The following EEPD1 variants were observed in gnomAD, a reference collection of about 807,000 sequenced individuals.
EEPD1 encodes the protein endonuclease/exonuclease/phosphatase family domain containing 1.
A neutral mutation model predicts 46.3 loss-of-function variants in EEPD1; 17 were observed. The ratio of observed to expected loss-of-function variants is 0.37; its 90% confidence interval spans 0.25 to 0.55. EEPD1 has a LOEUF of 0.55. EEPD1 is among the 20% of genes least tolerant of loss of function. The pLI, the probability that EEPD1 is intolerant of heterozygous loss-of-function variation, is 0.83. For synonymous variants in EEPD1, 313 were observed against 315.6 expected, an observed-to-expected ratio of 0.99 and a Z score of 0.09; for missense variants, 673 against 745.6, an observed-to-expected ratio of 0.90 and a Z score of 1.13.
Position 36,177,978 on chromosome 7 carries a change from T to A in EEPD1, c.878+22776T>A, listed in dbSNP as rs567099102. ...ATCCACCTGCCTCAGCCTCCCAAAG[T>A]GCTGGGATTACAGGCATGAGCCACC... On this transcript the variant is annotated intron_variant, in intron 2 of 7. Transcript: ENST00000242108. Among the ~76,000 whole-genome samples the A allele has an allele frequency of 2.0e-5, 3 of 152,284 alleles. No homozygotes were observed. In the South Asian group the frequency reaches 6.2e-4, roughly 32 times the overall value.
chr7:36,254,436 T>C (rs2115816647), intron 3 of EEPD1, among the ~76,000 whole-genome samples: 1 of 152,326 alleles, frequency 6.6e-6, no homozygotes, highest in South Asian at 2.1e-4. Flanking sequence ...GCTTCATCCA[T>C]GTCCCTGCAA....
In EEPD1 at chr7:36,193,939, C is replaced by A. The variant is rs1011697164; in HGVS notation, c.878+38737C>A. Reference sequence around the variant, plus strand: ...CTTGAGAGTTCAGGAGCCTCTTATCCCCATTTGCATCCTCAGAGCCCTGCA... The same window carrying A: ...CTTGAGAGTTCAGGAGCCTCTTATCACCATTTGCATCCTCAGAGCCCTGCA... On this transcript the variant is annotated intron_variant, in intron 2 of 7. Transcript: ENST00000242108. The surrounding 1 kb of genome is among the most constrained non-coding windows in gnomAD (Gnocchi z 4.9). Among the ~76,000 whole-genome samples, 1 of 152,100 alleles carries A rather than the reference C, an allele frequency of 6.6e-6. No individual in the cohort carries two copies. The highest frequency in any genetic ancestry group is 2.4e-5 in the African/African-American group (1 of 41,412).
At chr7:36,187,618 A>G (rs1052181029) in intron 2 of EEPD1, among the ~76,000 whole-genome samples, 1 of 152,128 alleles carries the variant, frequency 6.6e-6, no homozygotes, top group Admixed American at 6.5e-5. Flanking sequence ...CATTGTATGT[A>G]TACCCCATTT....
At chr7:36,278,464 C>T (rs1203849318) in intron 3 of EEPD1, among the ~76,000 whole-genome samples, 2 of 146,784 alleles carry the variant, frequency 1.4e-5, no homozygotes, top group African/African-American at 5.0e-5. Context: ...CAGGGCTGGG[C>T]CTCTCTGATC....
intron 3 of EEPD1, among the ~76,000 whole-genome samples, chr7:36,272,497 T>TTTGTTG (rs1554321108): frequency 2.9e-5 from 3 of 101,696 alleles, no homozygotes; most frequent in East Asian, 2.7e-4. Context: ...TTTCTGGTTT[T>TTTGTTG]TTGTTGTTGT....
intron 3 of EEPD1, among the ~76,000 whole-genome samples, chr7:36,278,312 A>G (rs1787211772): frequency 6.6e-6 from 1 of 152,152 alleles, no homozygotes; most frequent in African/African-American, 2.4e-5. Context: ...TTGGGTATGA[A>G]TGGGAGATAC....
chr7:36,166,416 C>G (rs1433939567), intron 2 of EEPD1, among the ~76,000 whole-genome samples: 1 of 152,094 alleles, frequency 6.6e-6, no homozygotes, highest in Non-Finnish European at 1.5e-5. Flanking sequence ...CCATTTGCAA[C>G]CACTTAATTG....
intron 2 of EEPD1, among the ~76,000 whole-genome samples, chr7:36,178,393 G>A (rs1434546677): frequency 6.6e-6 from 1 of 152,218 alleles, no homozygotes; most frequent in Admixed American, 6.5e-5. Flanking sequence ...TATGCTTTAG[G>A]TGAGTTCAGA....
At chr7:36,176,291 G>A (rs1785178505) in intron 2 of EEPD1, among the ~76,000 whole-genome samples, 1 of 152,188 alleles carries the variant, frequency 6.6e-6, no homozygotes, top group Non-Finnish European at 1.5e-5. Flanking sequence ...TTGGAAGACA[G>A]CAAATCACTC....
intron 2 of EEPD1, among the ~76,000 whole-genome samples, chr7:36,237,085 G>A (rs1786463517): frequency 6.6e-6 from 1 of 152,162 alleles, no homozygotes; most frequent in South Asian, 2.1e-4. Context: ...AACCCACCAG[G>A]AGGAACGAAC....
intron 2 of EEPD1, among the ~76,000 whole-genome samples, chr7:36,223,180 AAGTAATAATAAGAAATAAATTTTAACAC>A (rs1562692576): frequency 2.0e-5 from 3 of 151,952 alleles, no homozygotes; most frequent in South Asian, 4.2e-4. Context: ...AAATAAATAA[AAGTAATAATAAGAAATAAATTTTAACAC>A]AGTAATAATA....
chr7:36,266,565 A>G (rs901179718), intron 3 of EEPD1, among the ~76,000 whole-genome samples: 1 of 152,236 alleles, frequency 6.6e-6, no homozygotes, highest in Non-Finnish European at 1.5e-5. Context: ...TTTTAAAATT[A>G]TTGATGTATA....
chr7:36,269,719 G>A (rs1270147926), intron 3 of EEPD1, among the ~76,000 whole-genome samples: 1 of 152,058 alleles, frequency 6.6e-6, no homozygotes, highest in Non-Finnish European at 1.5e-5. Flanking sequence ...AACATAGAGA[G>A]ATCCCATCTC....
intron 2 of EEPD1, among the ~76,000 whole-genome samples, chr7:36,201,427 G>A (rs1211934948): frequency 6.6e-6 from 1 of 152,180 alleles, no homozygotes; most frequent in Middle Eastern, 3.2e-3. Flanking sequence ...AGGGCATGGA[G>A]AAAAGCACTC....
rs763134888 is a variant in EEPD1 at position 36,297,143 on chromosome 7, T to C, written c.1466T>C (p.Leu489Pro). Residue 489 changes from leucine to proline, a missense_variant, in exon 7 of 8, where the codon CTG becomes CCG. Transcript: ENST00000242108. Reference protein sequence around the residue: ...STKNPQGSKSLDNIWISKSLK... With the variant: ...STKNPQGSKSPDNIWISKSLK... Reference sequence around the variant, plus strand: ...AAGAACCCTCAAGGCTCGAAGTCTCTGGACAACATCTGGATCAGTAAAAGC... The same window carrying C: ...AAGAACCCTCAAGGCTCGAAGTCTCCGGACAACATCTGGATCAGTAAAAGC... 12 of 1,614,218 alleles carry C rather than the reference T, an allele frequency of 7.4e-6. No homozygotes were observed. The East Asian group carries it at 2.2e-4, about 30-fold the overall frequency.
At chr7:36,196,893 C>A (rs1395125739) in intron 2 of EEPD1, among the ~76,000 whole-genome samples, 23 of 149,528 alleles carry the variant, frequency 1.5e-4, no homozygotes, top group Non-Finnish European at 3.1e-4. Context: ...ATGTGAGGAG[C>A]CCCTCTGCCT....
At chr7:36,234,048 G>A (rs146492966) in intron 2 of EEPD1, among the ~76,000 whole-genome samples, 1 of 152,238 alleles carries the variant, frequency 6.6e-6, no homozygotes, top group African/African-American at 2.4e-5. Context: ...CTCCTGAGTA[G>A]CTGGGATTAC....
chr7:36,192,329 A>G (rs1785476301), intron 2 of EEPD1, among the ~76,000 whole-genome samples: 1 of 152,232 alleles, frequency 6.6e-6, no homozygotes, highest in African/African-American at 2.4e-5. Context: ...TATCACGTGA[A>G]TTGAGGAGAA....
At chr7:36,228,623 C>G (rs1309778326) in intron 2 of EEPD1, 1 of 151,958 alleles carries the variant, frequency 6.6e-6, no homozygotes, top group Non-Finnish European at 1.5e-5. Flanking sequence ...GCCAGGCCTG[C>G]CAGGATTTTA....
Sources: allele counts gnomAD v4.1 joint callset (sites outside exome capture counted in the v4.1 genomes callset), GRCh38; gene constraint gnomAD v4.1.1; non-coding constraint Gnocchi (gnomAD v3.1); transcripts MANE v1.5; gene names NCBI Gene and HGNC (gene_info 2026-07-23, HGNC 2026-07-21).